Variants in CMTM8 observed in about 807,000 individuals in gnomAD.
The protein encoded by CMTM8 is CKLF-like MARVEL transmembrane domain-containing protein 8.
In CMTM8, 12 loss-of-function variants were observed where a neutral mutation model predicts 18.6. The observed-to-expected ratio is 0.65, with a 90% CI of 0.41 to 1.05. CMTM8 has a LOEUF of 1.05. Among genes scored for constraint, CMTM8 ranks in the 50% least tolerant of loss-of-function variants. The probability of loss-of-function intolerance (pLI) is 0.00; values close to 1 mark genes in which losing one functional copy is unlikely to be tolerated. For missense variants in CMTM8, 217 were observed against 227.2 expected, an observed-to-expected ratio of 0.95 and a Z score of 0.29; for synonymous variants, 87 against 90.6, an observed-to-expected ratio of 0.96 and a Z score of 0.23.
At chr3:32,316,790 C>T (rs962389514) in intron 1 of CMTM8, among the ~76,000 whole-genome samples, 1 of 152,114 alleles carries the variant, frequency 6.6e-6, no homozygotes, top group Non-Finnish European at 1.5e-5. Flanking sequence ...CTAAATTTTT[C>T]AGTGAAGTTT....
intron 2 of CMTM8, among the ~76,000 whole-genome samples, chr3:32,366,659 G>T (rs1697043933): frequency 6.6e-6 from 1 of 152,230 alleles, no homozygotes; most frequent in South Asian, 2.1e-4. Context: ...AGACTAAATG[G>T]CTTGGCAAGT....
At chr3:32,342,609 C>T (rs1696520660) in intron 1 of CMTM8, among the ~76,000 whole-genome samples, 1 of 152,180 alleles carries the variant, frequency 6.6e-6, no homozygotes, top group Non-Finnish European at 1.5e-5. Context: ...GTTCACTTAG[C>T]CTGACATCGT....
intron 1 of CMTM8, among the ~76,000 whole-genome samples, chr3:32,342,269 A>T (rs2125590095): frequency 6.6e-6 from 1 of 152,098 alleles, no homozygotes; most frequent in East Asian, 1.9e-4. Context: ...AAAAACAAAA[A>T]CCTATTTTAG....
chr3:32,361,547 A>G (rs923978737), intron 2 of CMTM8, among the ~76,000 whole-genome samples: 2 of 152,012 alleles, frequency 1.3e-5, no homozygotes, highest in African/African-American at 4.8e-5. Flanking sequence ...GATTGTAGAG[A>G]AGGGATTGGT....
intron 3 of CMTM8, among the ~76,000 whole-genome samples, chr3:32,368,587 A>G (rs1335332351): frequency 6.6e-6 from 1 of 151,772 alleles, no homozygotes; most frequent in Non-Finnish European, 1.5e-5. Context: ...CAGCCTCCTG[A>G]ATAGCTGGGA....
At chr3:32,355,941 G>T (rs1423872148) in intron 1 of CMTM8, among the ~76,000 whole-genome samples, 1 of 152,178 alleles carries the variant, frequency 6.6e-6, no homozygotes, top group African/African-American at 2.4e-5. Flanking sequence ...GATGCTTCCT[G>T]TGCCTGCCAG....
intron 1 of CMTM8, among the ~76,000 whole-genome samples, chr3:32,319,060 A>ACG: frequency 5.2e-5 from 2 of 38,820 alleles, no homozygotes; most frequent in African/African-American, 2.1e-4. Flanking sequence ...GTATATACAT[A>ACG]TATATATATA....
At chr3:32,275,666 T>G (rs11714708) in intron 1 of CMTM8, among the ~76,000 whole-genome samples, 5,131 of 93,456 alleles carry the variant, frequency 0.055, 126 homozygotes, top group Non-Finnish European at 0.071. Flanking sequence ...TTTTTTTTTT[T>G]GGGGACAGAG....
At chr3:32,288,415 G>A (rs768758465) in intron 1 of CMTM8, among the ~76,000 whole-genome samples, 1 of 151,984 alleles carries the variant, frequency 6.6e-6, no homozygotes, top group Non-Finnish European at 1.5e-5. Context: ...CAAGTAGCTG[G>A]CACTACAGGC....
chr3:32,323,376 T>G (rs555313081), intron 1 of CMTM8, among the ~76,000 whole-genome samples: 2 of 152,348 alleles, frequency 1.3e-5, no homozygotes, highest in Non-Finnish European at 2.9e-5. Context: ...ACCATCTCTA[T>G]CTTATGTAGT....
intron 1 of CMTM8, among the ~76,000 whole-genome samples, chr3:32,321,248 G>A (rs936452983): frequency 2.6e-5 from 4 of 152,134 alleles, no homozygotes; most frequent in Non-Finnish European, 4.4e-5. Context: ...AACTAGATGA[G>A]GCTCGGGTCA....
intron 1 of CMTM8, among the ~76,000 whole-genome samples, chr3:32,240,138 T>A (rs1421981052): frequency 2.6e-5 from 4 of 152,230 alleles, no homozygotes; most frequent in African/African-American, 9.6e-5. Flanking sequence ...CACACCATCA[T>A]GGTGCAGAAG....
intron 1 of CMTM8, among the ~76,000 whole-genome samples, chr3:32,314,428 G>A (rs1695881276): frequency 6.6e-6 from 1 of 152,044 alleles, no homozygotes; most frequent in Non-Finnish European, 1.5e-5. Flanking sequence ...CACCAGGGGT[G>A]TGAAGGCAGG....
chr3:32,249,773 G>T (rs1575145084), intron 1 of CMTM8, among the ~76,000 whole-genome samples: 1 of 152,090 alleles, frequency 6.6e-6, no homozygotes. Context: ...TATACATTCT[G>T]GGATAAATCC....
Position 32,284,383 on chromosome 3 carries a change from C to T in CMTM8, c.147+45264C>T, listed in dbSNP as rs549149523. ...GTCTTGAGAGTTAAGTCGGGATCTG[C>T]GAGGGGAATCACATGCAGCTGGATG... On this transcript the variant is annotated intron_variant, in intron 1 of 3. Transcript: ENST00000307526. Among the ~76,000 whole-genome samples, 14 of 152,290 alleles carry T rather than the reference C, an allele frequency of 9.2e-5. 1 individual carries two copies. In the South Asian group the frequency reaches 1.2e-3, roughly 14 times the overall value.
intron 1 of CMTM8, among the ~76,000 whole-genome samples, chr3:32,301,406 A>G (rs1695616099): frequency 6.6e-6 from 1 of 152,230 alleles, no homozygotes; most frequent in Non-Finnish European, 1.5e-5. Context: ...GACATTTTAA[A>G]TAACAATATA....
chr3:32,299,559 G>A (rs1324726887), intron 1 of CMTM8, among the ~76,000 whole-genome samples: 1 of 152,184 alleles, frequency 6.6e-6, no homozygotes, highest in African/African-American at 2.4e-5. Flanking sequence ...GGCATGCAGT[G>A]CGTAATAATC....
At chr3:32,308,786 A>G (rs1185043197) in intron 1 of CMTM8, among the ~76,000 whole-genome samples, 2 of 152,208 alleles carry the variant, frequency 1.3e-5, no homozygotes, top group East Asian at 1.9e-4. Flanking sequence ...ACTTTAATAT[A>G]TATTATCCAT....
chr3:32,357,861 G>A (rs1017165840), intron 2 of CMTM8, among the ~76,000 whole-genome samples: 1 of 152,192 alleles, frequency 6.6e-6, no homozygotes. Context: ...TGTGAACAAT[G>A]TCAACTGGAA....
Sources: gnomAD v4.1 joint callset for allele counts (sites outside exome capture counted in the v4.1 genomes callset) on GRCh38, gnomAD v4.1.1 for gene constraint, MANE v1.5 for transcripts, NCBI Gene and HGNC (gene_info 2026-07-23, HGNC 2026-07-21) for gene names.